Variants in B3GALT1 observed in about 807,000 individuals in gnomAD.
The protein encoded by B3GALT1 is beta-1,3-galactosyltransferase 1.
In B3GALT1, 10 loss-of-function variants were observed where a neutral mutation model predicts 23.2. The observed-to-expected ratio is 0.43, with a 90% CI of 0.27 to 0.73. B3GALT1 has a LOEUF of 0.73. B3GALT1 is among the 30% of genes least tolerant of loss of function. B3GALT1 has a pLI of 0.21. For missense variants in B3GALT1, 299 were observed against 405.4 expected (o/e 0.74, Z 2.25); for synonymous variants, 156 against 141.5 (o/e 1.10, Z -0.73).
intron 1 of B3GALT1, among the ~76,000 whole-genome samples, chr2:167,469,291 A>G (rs1034263444): frequency 1.1e-4 from 16 of 152,180 alleles, no homozygotes; most frequent in African/African-American, 3.9e-4. Flanking sequence ...TCAGTTTCTC[A>G]TCTGTGAAAT....
chr2:167,611,588 A>C (rs945884134), intron 2 of B3GALT1, among the ~76,000 whole-genome samples: 1 of 152,006 alleles, frequency 6.6e-6, no homozygotes, highest in Non-Finnish European at 1.5e-5. Context: ...TTATGGTGTA[A>C]ATAGACATTG....
chr2:167,571,995 C>T (rs1201596301), intron 2 of B3GALT1, among the ~76,000 whole-genome samples: 3 of 151,738 alleles, frequency 2.0e-5, no homozygotes, highest in Middle Eastern at 3.4e-3. Flanking sequence ...TGTATCAGAA[C>T]CAGAACCATC....
intron 3 of B3GALT1, chr2:167,713,853 C>A: frequency 2.5e-6 from 4 of 1,592,152 alleles, no homozygotes; most frequent in Non-Finnish European, 3.4e-6. Context: ...CCTGGGAAAT[C>A]CCTTGATAGA....
intron 2 of B3GALT1, among the ~76,000 whole-genome samples, chr2:167,637,608 A>T (rs1309689871): frequency 6.6e-6 from 1 of 151,908 alleles, no homozygotes; most frequent in Non-Finnish European, 1.5e-5. Context: ...TATTCCTTCC[A>T]ACTATATGCT....
intron 2 of B3GALT1, among the ~76,000 whole-genome samples, chr2:167,490,705 G>A (rs1033037678): frequency 6.6e-6 from 1 of 152,178 alleles, no homozygotes; most frequent in African/African-American, 2.4e-5. Flanking sequence ...TAGCACATCT[G>A]TAAACACTTG....
In B3GALT1 at chr2:167,832,320, C is replaced by T. The variant is rs147718726; in HGVS notation, c.-230+13527C>T. Among the ~76,000 whole-genome samples the T allele has an allele frequency of 1.7e-3, 260 of 152,272 alleles. 1 individual carries two copies. Among genetic ancestry groups the T allele is most frequent in the Middle Eastern group, 3.4e-3 (1 of 294 alleles). ...ATTACAGAATAGTTTCTGACACCAA[C>T]GTACTATACATTATTAGCAAAAGTA... On this transcript the variant is annotated intron_variant, in intron 4 of 4. Coordinates refer to ENST00000392690, the MANE Select transcript of B3GALT1 (RefSeq NM_020981.4).
chr2:167,529,672 G>C (rs1053332687), intron 2 of B3GALT1, among the ~76,000 whole-genome samples: 1 of 151,542 alleles, frequency 6.6e-6, no homozygotes, highest in Non-Finnish European at 1.5e-5. Flanking sequence ...AAAACTTTTA[G>C]ATTCATCCTT....
At chr2:167,651,351 G>A (rs575084891) in intron 3 of B3GALT1, among the ~76,000 whole-genome samples, 3 of 151,942 alleles carry the variant, frequency 2.0e-5, no homozygotes, top group South Asian at 2.1e-4. Flanking sequence ...TCTAAGAATA[G>A]GTAGAGTTTA....
chr2:167,725,244 T>C (rs576078083), intron 3 of B3GALT1, among the ~76,000 whole-genome samples: 1 of 152,270 alleles, frequency 6.6e-6, no homozygotes, highest in Non-Finnish European at 1.5e-5. Flanking sequence ...GAAGCCCATA[T>C]TTCTACCAGT....
chr2:167,591,499 C>G (rs2105416113), intron 2 of B3GALT1, among the ~76,000 whole-genome samples: 1 of 152,204 alleles, frequency 6.6e-6, no homozygotes, highest in Non-Finnish European at 1.5e-5. Flanking sequence ...GAGACAGAGT[C>G]TCACTCTGTC....
chr2:167,786,147 G>T (rs1688341407), intron 3 of B3GALT1, among the ~76,000 whole-genome samples: 1 of 152,142 alleles, frequency 6.6e-6, no homozygotes, highest in Admixed American at 6.5e-5. Flanking sequence ...AAGATCTGTT[G>T]ACCCTAGACC....
At chr2:167,441,464 AGGCTCATTTTTT>A (rs1485854818) in intron 1 of B3GALT1, among the ~76,000 whole-genome samples, 1 of 152,096 alleles carries the variant, frequency 6.6e-6, no homozygotes, top group Non-Finnish European at 1.5e-5. Flanking sequence ...TCTTCTGAGA[AGGCTCATTTTTT>A]GGCAATCCTG....
intron 3 of B3GALT1, among the ~76,000 whole-genome samples, chr2:167,784,235 G>T (rs1190786499): frequency 4.6e-5 from 7 of 152,300 alleles, no homozygotes; most frequent in Non-Finnish European, 8.8e-5. Context: ...TCTGCAGATT[G>T]CTGGCTTCCG....
chr2:167,612,787 G>C (rs1457079004), intron 2 of B3GALT1, among the ~76,000 whole-genome samples: 2 of 151,872 alleles, frequency 1.3e-5, no homozygotes, highest in African/African-American at 4.8e-5. Flanking sequence ...TGGATCATGG[G>C]AGAAATTGTG....
chr2:167,770,922 T>C (rs1688061753), intron 3 of B3GALT1, among the ~76,000 whole-genome samples: 1 of 152,206 alleles, frequency 6.6e-6, no homozygotes, highest in East Asian at 1.9e-4. Context: ...CCTTGCCCTA[T>C]CTCCATTTTC....
chr2:167,598,668 AT>A (rs2105422003), intron 2 of B3GALT1, among the ~76,000 whole-genome samples: 1 of 152,306 alleles, frequency 6.6e-6, no homozygotes, highest in East Asian at 1.9e-4. Flanking sequence ...TGGCGTGTCC[AT>A]CTCTAACACA....
intron 3 of B3GALT1, among the ~76,000 whole-genome samples, chr2:167,720,634 G>A (rs917726906): frequency 1.3e-5 from 2 of 152,140 alleles, no homozygotes; most frequent in Admixed American, 6.5e-5. Flanking sequence ...TTATTCATTC[G>A]TTCATCTACT....
intron 1 of B3GALT1, among the ~76,000 whole-genome samples, chr2:167,437,266 T>C (rs1222745985): frequency 1.3e-5 from 2 of 152,218 alleles, no homozygotes; most frequent in Non-Finnish European, 2.9e-5. Context: ...AGGTGAAATG[T>C]TCAGTCACTG....
intron 1 of B3GALT1, among the ~76,000 whole-genome samples, chr2:167,296,486 T>C (rs1696351678): frequency 6.6e-6 from 1 of 152,172 alleles, no homozygotes; most frequent in African/African-American, 2.4e-5. Context: ...GTCTGTCTCT[T>C]TCTTTCGCTC....
Sources: allele counts gnomAD v4.1 joint callset (sites outside exome capture counted in the v4.1 genomes callset), GRCh38; gene constraint gnomAD v4.1.1; transcripts MANE v1.5; gene names NCBI Gene and HGNC (gene_info 2026-07-23, HGNC 2026-07-21).